CEP76: variants seen among roughly 807,000 people sequenced by gnomAD.
The protein encoded by CEP76 is centrosomal protein 76, also known as centrosomal protein of 76 kDa.
Under a neutral mutation model 83.3 loss-of-function variants are expected in CEP76, and 55 were observed. That is an observed-to-expected ratio of 0.66 (90% CI 0.53 to 0.83). The LOEUF is 0.83. Ranked by LOEUF, CEP76 falls within the 40% of genes least tolerant of loss-of-function variation. The probability of loss-of-function intolerance (pLI) is 0.00; values close to 1 mark genes in which losing one functional copy is unlikely to be tolerated. For synonymous variants in CEP76, 270 were observed against 274.5 expected, an observed-to-expected ratio of 0.98 and a Z score of 0.16; for missense variants, 694 against 799.5, an observed-to-expected ratio of 0.87 and a Z score of 1.59.
In CEP76 at chr18:12,672,947, TA is replaced by T. The variant is rs1178582983; in HGVS notation, c.*417del. On this transcript the variant is annotated 3_prime_UTR_variant, in exon 12 of 12. Coordinates refer to ENST00000262127, the MANE Select transcript of CEP76 (RefSeq NM_024899.4). ...AATCTGTCATGAGGTTAATTTCTCC[TA>T]ATCTGTATAAAATAATTCCATTAAC... The T allele has an allele frequency of 4.1e-6, 4 of 982,368 alleles. No homozygotes were observed. Among genetic ancestry groups the T allele is most frequent in the African/African-American group, 1.7e-5 (1 of 57,164 alleles). The allele number at this position is 982,368 out of a possible 1,614,324, so 60.9% of individuals were successfully genotyped here.
chr18:12,671,139 G>A (rs1020751332), downstream of CEP76: 4 of 147,206 alleles, frequency 2.7e-5, no homozygotes, highest in African/African-American at 9.8e-5. Flanking sequence ...ATAGGGGGGG[G>A]TCTCTCTATG....
rs375916938 is a variant in CEP76 at position 12,695,852 on chromosome 18, C to CCACACACACA, written c.707-511_707-502dup. ...CAACTGTTAACACCTCATTCCTTCTCCACACACACACACACACACACACAC... is the reference window on the plus strand; with the variant it reads ...CAACTGTTAACACCTCATTCCTTCTCCACACACACACACACACACACACACACACACACAC... On this transcript the variant is annotated intron_variant, in intron 5 of 11. Coordinates refer to ENST00000262127, the MANE Select transcript of CEP76 (RefSeq NM_024899.4). Among the ~76,000 whole-genome samples the CCACACACACA allele has an allele frequency of 3.3e-3, 486 of 148,380 alleles. 2 individuals are homozygous for CCACACACACA. The highest frequency in any genetic ancestry group is 0.01 in the African/African-American group (410 of 40,416).
chr18:12,689,463 T>C (rs569636487), intron 7 of CEP76, among the ~76,000 whole-genome samples: 2 of 152,346 alleles, frequency 1.3e-5, no homozygotes, highest in Non-Finnish European at 2.9e-5. Context: ...ACCTTCATAC[T>C]GTTTACAAAA....
At chr18:12,671,763 C>T (rs1292169844), downstream of CEP76, among the ~76,000 whole-genome samples, 3 of 151,322 alleles carry the variant, frequency 2.0e-5, no homozygotes, top group East Asian at 5.8e-4. Flanking sequence ...GCCTCAGACT[C>T]CCGAGTAGCT....
chr18:12,669,222 C>T (rs192744192), downstream of CEP76, among the ~76,000 whole-genome samples: 18 of 151,774 alleles, frequency 1.2e-4, no homozygotes, highest in Non-Finnish European at 2.1e-4. Flanking sequence ...AAGCGATTCT[C>T]CTGTCTCAGC....
intron 12 of CEP76, among the ~76,000 whole-genome samples, chr18:12,667,000 ATAAAT>A (rs1420880902): frequency 1.3e-5 from 2 of 152,192 alleles, no homozygotes; most frequent in East Asian, 1.9e-4. Context: ...TCTGATTCTG[ATAAAT>A]TAAGATGTAT....
At chr18:12,690,462 GTTTTT>G (rs35616464) in intron 7 of CEP76, among the ~76,000 whole-genome samples, 2 of 146,738 alleles carry the variant, frequency 1.4e-5, no homozygotes, top group Non-Finnish European at 3.0e-5. Flanking sequence ...ATTTTTTGTT[GTTTTT>G]TTTTTTGAGA....
At chr18:12,687,591 T>G (rs921034983) in intron 7 of CEP76, among the ~76,000 whole-genome samples, 10 of 151,750 alleles carry the variant, frequency 6.6e-5, no homozygotes, top group Non-Finnish European at 1.0e-4. Flanking sequence ...TAGCTGGGAT[T>G]ACAGGTATGT....
chr18:12,692,571 AC>A (rs377706413), intron 6 of CEP76, among the ~76,000 whole-genome samples: 10 of 152,124 alleles, frequency 6.6e-5, no homozygotes, highest in African/African-American at 2.4e-4. Flanking sequence ...CTCTTTCCCT[AC>A]CTTAGTCACT....
intron 9 of CEP76, among the ~76,000 whole-genome samples, chr18:12,679,550 G>A (rs193213587): frequency 1.3e-4 from 20 of 151,950 alleles, no homozygotes; most frequent in Admixed American, 3.3e-4. Flanking sequence ...CTAATTTTTC[G>A]TGGCCATGTG....
chr18:12,673,211 T>C lies in CEP76; in HGVS notation c.*154A>G. On this transcript the variant is annotated 3_prime_UTR_variant, in exon 12 of 12. Transcript: ENST00000262127. Reference sequence around the variant, plus strand: ...AATTTTTAAAGGAATGCATGATTTTTTTTAAACATTACCAGTCAAGTATAT... The same window carrying C: ...AATTTTTAAAGGAATGCATGATTTTCTTTAAACATTACCAGTCAAGTATAT... 1 of 1,347,268 alleles carries C rather than the reference T, an allele frequency of 7.4e-7. No individual in the cohort carries two copies. Among genetic ancestry groups the C allele is most frequent in the South Asian group, 2.3e-5 (1 of 44,068 alleles). 83.5% of individuals were successfully genotyped at this position (1,347,268 alleles called of 1,614,324 possible).
intron 8 of CEP76, 88 bp downstream of exon 8, chr18:12,686,174 T>G: frequency 9.0e-7 from 1 of 1,110,234 alleles, no homozygotes; most frequent in Non-Finnish European, 1.3e-6. Flanking sequence ...ATATGTGCAT[T>G]TTTCTAAGGC....
chr18:12,699,900 A>T lies in CEP76; in HGVS notation c.225T>A (p.Ser75Arg). ...VMKELNFVTD[S>R]VEQELPSSPK... ...GAGAGGAAGGGAGTTCTTGCTCAAC[A>T]CTGTCCTAGAAAGGCAGGAAAAAAA... The change falls in exon 3 of 12, where the codon AGT becomes AGA. Residue 75 changes from serine (S) to arginine (R), a missense_variant. Coordinates refer to ENST00000262127, the MANE Select transcript of CEP76 (RefSeq NM_024899.4). 3 of 1,591,454 alleles carry T rather than the reference A, an allele frequency of 1.9e-6. No individual in the cohort carries two copies. Among genetic ancestry groups the T allele is most frequent in the Non-Finnish European group, 2.6e-6 (3 of 1,168,344 alleles).
intron 6 of CEP76, among the ~76,000 whole-genome samples, chr18:12,694,856 G>A (rs945892916): frequency 6.6e-6 from 1 of 151,602 alleles, no homozygotes; most frequent in Non-Finnish European, 1.5e-5. Flanking sequence ...TACTACAGGT[G>A]CCTGCCACCA....
chr18:12,670,895 T>G (rs1202034166), downstream of CEP76: 3 of 151,920 alleles, frequency 2.0e-5, no homozygotes, highest in Non-Finnish European at 4.4e-5. Context: ...GAGATTCTCC[T>G]GCCTCAGCCT....
Position 12,672,838 on chromosome 18 carries a change from G to C in CEP76, c.*527C>G. On this transcript the variant is annotated 3_prime_UTR_variant, in exon 12 of 12. Coordinates refer to ENST00000262127, the MANE Select transcript of CEP76 (RefSeq NM_024899.4). ...TTCAAGGTCCAACCATAAATTTCTGGACAGTCTCAAATATCCCAAGGACCA... is the reference window on the plus strand; with the variant it reads ...TTCAAGGTCCAACCATAAATTTCTGCACAGTCTCAAATATCCCAAGGACCA... 1.0e-6 allele frequency: 1 copy of C among 984,878 alleles called. No homozygotes were observed. Among genetic ancestry groups the C allele is most frequent in the Non-Finnish European group, 1.2e-6 (1 of 829,388 alleles). 61.0% of individuals were successfully genotyped at this position (984,878 alleles called of 1,614,324 possible).
At chr18:12,700,915 TATAC>T (rs1890631564) in intron 2 of CEP76, 39 bp downstream of exon 2, 2 of 1,509,170 alleles carry the variant, frequency 1.3e-6, no homozygotes, top group Non-Finnish European at 1.8e-6. Flanking sequence ...CGCATTAGTA[TATAC>T]ATATATACTC....
At chr18:12,673,935 CTG>C (rs1172511161) in intron 11 of CEP76, among the ~76,000 whole-genome samples, 3 of 152,164 alleles carry the variant, frequency 2.0e-5, no homozygotes. Flanking sequence ...ATCAAAGACA[CTG>C]TAATTTTGGT....
Position 12,702,716 on chromosome 18 carries a change from C to G in CEP76, c.-168G>C. The G allele has an allele frequency of 1.4e-6, 1 of 714,950 alleles. No homozygotes were observed. The highest frequency in any genetic ancestry group is 2.0e-5 in the South Asian group (1 of 50,130). The allele number at this position is 714,950 out of a possible 1,614,324, so 44.3% of individuals were successfully genotyped here. A position where few individuals can be genotyped will look rare whatever the true frequency, so the allele number is the denominator to read the frequency against. ...ACGCCGCGTCAGGCCGGGGGCTGACCTGGAAATGAGGCCCCGGCGGCGGCG... is the reference window on the plus strand; with the variant it reads ...ACGCCGCGTCAGGCCGGGGGCTGACGTGGAAATGAGGCCCCGGCGGCGGCG... On this transcript the variant is annotated 5_prime_UTR_variant, in exon 1 of 12. Transcript: ENST00000262127.
Sources: gnomAD v4.1 joint callset for allele counts (sites outside exome capture counted in the v4.1 genomes callset) on GRCh38, gnomAD v4.1.1 for gene constraint, MANE v1.5 for transcripts, NCBI Gene and HGNC (gene_info 2026-07-23, HGNC 2026-07-21) for gene names.